The following COL25A1 variants were observed in gnomAD, a reference collection of about 807,000 sequenced individuals.
The protein encoded by COL25A1 is collagen alpha-1(XXV) chain.
Under a neutral mutation model 128.4 loss-of-function variants are expected in COL25A1, and 103 were observed. The ratio of observed to expected loss-of-function variants is 0.80; its 90% CI spans 0.68 to 0.94. COL25A1 has a LOEUF of 0.94. Ranked by LOEUF, COL25A1 falls within the 40% of genes least tolerant of loss-of-function variation. COL25A1 has a pLI of 0.00. For missense variants in COL25A1, 745 were observed against 840.0 expected, an observed-to-expected ratio of 0.89 and a Z score of 1.40; for synonymous variants, 279 against 277.2, an observed-to-expected ratio of 1.01 and a Z score of -0.06.
At chr4:109,086,264 A>C (rs1264090607) in intron 3 of COL25A1, among the ~76,000 whole-genome samples, 2 of 152,226 alleles carry the variant, frequency 1.3e-5, no homozygotes, top group Non-Finnish European at 2.9e-5. Context: ...CACTGGCCAA[A>C]GGATGCTGAG....
intron 3 of COL25A1, among the ~76,000 whole-genome samples, chr4:109,254,282 A>G (rs1404619452): frequency 6.6e-6 from 1 of 150,916 alleles, no homozygotes; most frequent in Non-Finnish European, 1.5e-5. Context: ...AAGCAATCCT[A>G]TGAGGAAGGT....
intron 5 of COL25A1, among the ~76,000 whole-genome samples, chr4:109,042,324 T>C (rs911671762): frequency 1.3e-5 from 2 of 152,124 alleles, no homozygotes; most frequent in Admixed American, 1.3e-4. Flanking sequence ...AGTCATATTC[T>C]TTTTCTTTTT....
chr4:108,975,460 C>A (rs58033205), intron 6 of COL25A1, among the ~76,000 whole-genome samples: 7,060 of 152,264 alleles, frequency 0.046, 444 homozygotes, highest in African/African-American at 0.14. Context: ...TCTCCAAAAA[C>A]AGTGCTATGA....
chr4:108,917,284 T>A (rs1744987673), intron 13 of COL25A1, among the ~76,000 whole-genome samples: 1 of 152,164 alleles, frequency 6.6e-6, no homozygotes, highest in African/African-American at 2.4e-5. Flanking sequence ...TTATTGCACC[T>A]GAAAGGGTTG....
chr4:109,239,390 GTGTGTATA>G (rs1323759411), intron 3 of COL25A1, among the ~76,000 whole-genome samples: 1,415 of 106,674 alleles, frequency 0.013, 40 homozygotes, highest in South Asian at 0.13. Flanking sequence ...GTGTGTGTGT[GTGTGTATA>G]TATATATATA....
intron 3 of COL25A1, among the ~76,000 whole-genome samples, chr4:109,279,707 G>A (rs982890997): frequency 2.0e-5 from 3 of 152,126 alleles, no homozygotes; most frequent in Admixed American, 6.5e-5. Context: ...GCACATACAC[G>A]TGTTGAAAAG....
chr4:108,819,538 A>C (rs1315893249), intron 35 of COL25A1, among the ~76,000 whole-genome samples: 1 of 152,178 alleles, frequency 6.6e-6, no homozygotes, highest in East Asian at 1.9e-4. Context: ...TCCTCTTTTG[A>C]AGGGTATGGA....
At chr4:108,942,098 T>TA in intron 8 of COL25A1, 1 of 1,017,712 alleles carries the variant, frequency 9.8e-7, no homozygotes, top group South Asian at 1.5e-5. Flanking sequence ...AGTAACTTGA[T>TA]ATATACCATG....
intron 3 of COL25A1, among the ~76,000 whole-genome samples, chr4:109,185,123 T>C (rs769905789): frequency 1.3e-5 from 2 of 152,216 alleles, no homozygotes; most frequent in Non-Finnish European, 2.9e-5. Context: ...AAAGTATGGC[T>C]AGCTTTGCTT....
chr4:109,092,677 T>C (rs1177121138), intron 3 of COL25A1, among the ~76,000 whole-genome samples: 4 of 152,232 alleles, frequency 2.6e-5, no homozygotes, highest in Non-Finnish European at 5.9e-5. Context: ...ATTCTTACTG[T>C]CAATTTAGAA....
chr4:109,020,510 G>T (rs1486358841), intron 5 of COL25A1, among the ~76,000 whole-genome samples: 2 of 91,208 alleles, frequency 2.2e-5, no homozygotes, highest in Admixed American at 1.9e-4. Flanking sequence ...TTATTATGGG[G>T]GGGGGGGGGT....
At position 108,860,391 on chromosome 4, in the gene COL25A1, G is replaced by A. The variant is rs534042501; in HGVS notation, c.1242+536C>T. Among the ~76,000 whole-genome samples, 12 of 152,198 alleles carry A rather than the reference G, an allele frequency of 7.9e-5. No homozygotes were observed. In the South Asian group the frequency reaches 8.3e-4, roughly 11 times the overall value. ...CAGGTGTGAGCCACTGCACCTGGCCGTCATTCTTTAAAAAGATAGAACATT... is the reference window on the plus strand; with the variant it reads ...CAGGTGTGAGCCACTGCACCTGGCCATCATTCTTTAAAAAGATAGAACATT... On this transcript the variant is annotated intron_variant, in intron 23 of 37. Transcript: ENST00000399132.
intron 3 of COL25A1, among the ~76,000 whole-genome samples, chr4:109,235,541 C>T (rs867674609): frequency 3.0e-4 from 32 of 107,636 alleles, no homozygotes; most frequent in African/African-American, 1.6e-3. Flanking sequence ...TACACCCACA[C>T]ACGAATACAC....
intron 3 of COL25A1, among the ~76,000 whole-genome samples, chr4:109,170,866 A>G (rs898006133): frequency 3.9e-5 from 6 of 152,054 alleles, no homozygotes; most frequent in African/African-American, 1.4e-4. Context: ...AGGGACCCAC[A>G]TTGTGCTTCT....
intron 35 of COL25A1, among the ~76,000 whole-genome samples, chr4:108,822,969 C>T (rs1028196636): frequency 4.6e-5 from 7 of 152,096 alleles, no homozygotes; most frequent in Non-Finnish European, 4.4e-5. Context: ...TGTGATGATA[C>T]TGGTGATGAT....
At chr4:109,174,231 G>A (rs748421197) in intron 3 of COL25A1, among the ~76,000 whole-genome samples, 29 of 152,230 alleles carry the variant, frequency 1.9e-4, no homozygotes, top group African/African-American at 2.9e-4. Flanking sequence ...AGTAGCAACC[G>A]TGGTGTAAGG....
At chr4:108,871,470 T>C (rs966689155) in intron 19 of COL25A1, among the ~76,000 whole-genome samples, 4 of 152,128 alleles carry the variant, frequency 2.6e-5, no homozygotes, top group Admixed American at 2.0e-4. Flanking sequence ...CGCCCGCCAC[T>C]ACGCCCGGCT....
chr4:108,872,999 C>T (rs1338359353), intron 19 of COL25A1, among the ~76,000 whole-genome samples: 1 of 151,798 alleles, frequency 6.6e-6, no homozygotes, highest in Non-Finnish European at 1.5e-5. Context: ...CTCAAAGGAT[C>T]GTCCCACCTC....
rs1735896300 is a variant in COL25A1, at chr4:108,852,410, T to C, written c.1345-130A>G. 6 of 697,752 alleles carry C rather than the reference T, an allele frequency of 8.6e-6. 1 individual carries two copies. The highest frequency in any genetic ancestry group is 3.5e-5 in the Admixed American group (1 of 28,374). The allele number at this position is 697,752 out of a possible 1,614,324, so 43.2% of individuals were successfully genotyped here. On this transcript the variant is annotated intron_variant, in intron 25 of 37. Coordinates refer to ENST00000399132, the MANE Select transcript of COL25A1 (RefSeq NM_198721.4). ...GATCTCCCCAAATATAAATTTGCAA[T>C]GAGGAAAAATTTTACTAGTTACATA...
Sources: allele counts gnomAD v4.1 joint callset (sites outside exome capture counted in the v4.1 genomes callset), GRCh38; gene constraint gnomAD v4.1.1; transcripts MANE v1.5; gene names NCBI Gene and HGNC (gene_info 2026-07-23, HGNC 2026-07-21).